CACNA2D1: variants seen among roughly 807,000 people sequenced by gnomAD.
CACNA2D1 encodes the protein calcium voltage-gated channel auxiliary subunit alpha2delta 1.
A neutral mutation model predicts 171.5 loss-of-function variants in CACNA2D1; 53 were observed. The observed-to-expected ratio is 0.31, with a 90% confidence interval of 0.25 to 0.39. The LOEUF (loss-of-function observed/expected upper bound fraction) is 0.39. Among genes scored for constraint, CACNA2D1 ranks in the 10% least tolerant of loss-of-function variants. The pLI is 1.00. For synonymous variants in CACNA2D1, 442 were observed against 443.1 expected (o/e 1.00, Z 0.03); for missense variants, 903 against 1,299.8 (o/e 0.69, Z 4.69).
chr7:82,437,819 T>A (rs183790581), intron 1 of CACNA2D1, among the ~76,000 whole-genome samples: 1 of 152,172 alleles, frequency 6.6e-6, no homozygotes, highest in Non-Finnish European at 1.5e-5. Context: ...AAAGAAGGGA[T>A]ATTTAAGAGC....
chr7:81,964,655 C>T lies in CACNA2D1; in HGVS notation c.2575-296G>A, dbSNP rs149628290. ...GCTTCCCAGATGAATAAAACAGGGC[C>T]GGGGAATGGAGAGGTATAAGTGGAA... is the stretch of plus-strand genomic sequence containing the variant. On this transcript the variant is annotated intron_variant, in intron 32 of 38. Coordinates refer to ENST00000356860, the MANE Select transcript of CACNA2D1 (RefSeq NM_000722.4). Among the ~76,000 whole-genome samples the T allele has an allele frequency of 4.1e-3, 624 of 151,714 alleles. 4 individuals carry two copies. Among genetic ancestry groups the T allele is most frequent in the African/African-American group, 0.013 (522 of 41,402 alleles).
chr7:82,420,852 C>T (rs1231106024), intron 1 of CACNA2D1, among the ~76,000 whole-genome samples: 1 of 151,696 alleles, frequency 6.6e-6, no homozygotes, highest in Non-Finnish European at 1.5e-5. Flanking sequence ...AATAAGGCCA[C>T]ACCTTTCTCT....
intron 3 of CACNA2D1, among the ~76,000 whole-genome samples, chr7:82,245,146 G>A (rs1804753379): frequency 6.6e-6 from 1 of 152,206 alleles, no homozygotes; most frequent in Non-Finnish European, 1.5e-5. Context: ...CATATATGGA[G>A]CAGCACTGAC....
At chr7:82,283,821 T>G (rs1033225959) in intron 3 of CACNA2D1, among the ~76,000 whole-genome samples, 1 of 152,116 alleles carries the variant, frequency 6.6e-6, no homozygotes, top group Non-Finnish European at 1.5e-5. Context: ...ATATATAATT[T>G]TTTAAATAAA....
At chr7:82,230,582 T>C (rs532289542) in intron 3 of CACNA2D1, among the ~76,000 whole-genome samples, 2 of 152,324 alleles carry the variant, frequency 1.3e-5, no homozygotes, top group African/African-American at 4.8e-5. Context: ...GGTCCTCAAC[T>C]AAAACTGAAG....
chr7:82,329,676 A>G (rs1450739168), intron 3 of CACNA2D1, among the ~76,000 whole-genome samples: 2 of 152,156 alleles, frequency 1.3e-5, no homozygotes, highest in Non-Finnish European at 2.9e-5. Flanking sequence ...GCTTCAAAAC[A>G]TTGTTTGATT....
chr7:82,339,200 G>T (rs1423589830), intron 2 of CACNA2D1, among the ~76,000 whole-genome samples: 2 of 152,140 alleles, frequency 1.3e-5, no homozygotes, highest in Non-Finnish European at 2.9e-5. Flanking sequence ...TCTGAAAGAG[G>T]CTAACCTTCA....
intron 3 of CACNA2D1, among the ~76,000 whole-genome samples, chr7:82,232,265 C>T (rs1471628151): frequency 2.0e-5 from 3 of 152,108 alleles, no homozygotes; most frequent in Admixed American, 2.0e-4. Context: ...TCTAATTTGG[C>T]TTATACCCAT....
chr7:81,956,951 GATAATGT>G (rs1273253965), intron 38 of CACNA2D1, among the ~76,000 whole-genome samples: 1 of 152,038 alleles, frequency 6.6e-6, no homozygotes, highest in Non-Finnish European at 1.5e-5. Context: ...TTTTGGGCTA[GATAATGT>G]ATATTAAATA....
intron 1 of CACNA2D1, among the ~76,000 whole-genome samples, chr7:82,441,526 T>C (rs1243424767): frequency 6.6e-6 from 1 of 152,194 alleles, no homozygotes; most frequent in East Asian, 1.9e-4. Flanking sequence ...TTGTGTCTAG[T>C]AAATTTCTGA....
At chr7:82,013,123 T>A (rs1470403812) in intron 14 of CACNA2D1, among the ~76,000 whole-genome samples, 1 of 151,978 alleles carries the variant, frequency 6.6e-6, no homozygotes, top group Non-Finnish European at 1.5e-5. Context: ...TACCTACAAT[T>A]TGAAGAAACT....
intron 6 of CACNA2D1, among the ~76,000 whole-genome samples, chr7:82,100,561 C>T (rs567228255): frequency 6.6e-5 from 10 of 152,168 alleles, no homozygotes; most frequent in Admixed American, 3.3e-4. Flanking sequence ...ATGCTATCAA[C>T]GTCAAAATAC....
chr7:82,332,402 G>A (rs1382965344), intron 3 of CACNA2D1, among the ~76,000 whole-genome samples: 2 of 151,894 alleles, frequency 1.3e-5, no homozygotes, highest in African/African-American at 2.4e-5. Flanking sequence ...GCAACATGGT[G>A]TAACAAAAAT....
chr7:82,295,912 T>C (rs1159083871), intron 3 of CACNA2D1, among the ~76,000 whole-genome samples: 4 of 151,942 alleles, frequency 2.6e-5, no homozygotes, highest in African/African-American at 9.7e-5. Context: ...ATATACACCA[T>C]GGAATACTAT....
At chr7:82,297,072 C>CAAAAAAAAAAAAAAAAAAAAAAAAAAA (rs57473351) in intron 3 of CACNA2D1, among the ~76,000 whole-genome samples, 59 of 72,228 alleles carry the variant, frequency 8.2e-4, no homozygotes, top group East Asian at 1.3e-3. Context: ...CTGTGTCTAC[C>CAAAAAAAAAAAAAAAAAAAAAAAAAAA]AAAAAAAAAA....
At chr7:82,000,767 C>CTTTTTTTTT (rs1798510044) in intron 18 of CACNA2D1, among the ~76,000 whole-genome samples, 1 of 47,232 alleles carries the variant, frequency 2.1e-5, no homozygotes, top group South Asian at 8.9e-4. Flanking sequence ...ACTAATTTTT[C>CTTTTTTTTT]TTTCTTTTTT....
intron 10 of CACNA2D1, among the ~76,000 whole-genome samples, chr7:82,041,503 G>C (rs1050552522): frequency 6.6e-6 from 1 of 152,012 alleles, no homozygotes; most frequent in South Asian, 2.1e-4. Context: ...GGAAGGCTTA[G>C]AGAAAAGAAA....
chr7:82,151,842 T>G (rs1431018597), intron 4 of CACNA2D1, among the ~76,000 whole-genome samples: 1 of 152,058 alleles, frequency 6.6e-6, no homozygotes, highest in Non-Finnish European at 1.5e-5. Context: ...AATCAAGCAA[T>G]TTCAAAGTTA....
At chr7:82,050,737 GACACTAAATA>G in intron 10 of CACNA2D1, 1 of 671,518 alleles carries the variant, frequency 1.5e-6, no homozygotes, top group Non-Finnish European at 2.7e-6. Flanking sequence ...GTTGGAAGAT[GACACTAAATA>G]ACAATAATCA....
Sources: allele counts gnomAD v4.1 joint callset (sites outside exome capture counted in the v4.1 genomes callset), GRCh38; gene constraint gnomAD v4.1.1; transcripts MANE v1.5; gene names NCBI Gene and HGNC (gene_info 2026-07-23, HGNC 2026-07-21).